Variants in MYH10 observed in about 807,000 individuals in gnomAD.
The protein encoded by MYH10 is myosin-10.
Under a neutral mutation model 257.8 loss-of-function variants are expected in MYH10, and 55 were observed. The observed-to-expected ratio is 0.21, with a 90% CI of 0.17 to 0.27. The LOEUF (loss-of-function observed/expected upper bound fraction) is 0.27, where lower values mean the gene tolerates loss of function less well. Ranked by LOEUF, MYH10 falls within the 10% of genes least tolerant of loss-of-function variation. The probability of loss-of-function intolerance (pLI) is 1.00; values close to 1 mark genes in which losing one functional copy is unlikely to be tolerated. For synonymous variants in MYH10, 854 were observed against 921.7 expected, an observed-to-expected ratio of 0.93 and a Z score of 1.33; for missense variants, 1,631 against 2,500.6, an observed-to-expected ratio of 0.65 and a Z score of 7.42.
intron 17 of MYH10, among the ~76,000 whole-genome samples, chr17:8,528,556 A>C (rs62063426): frequency 1.3e-5 from 2 of 152,118 alleles, no homozygotes; most frequent in Non-Finnish European, 2.9e-5. Context: ...CAGTCCCAGA[A>C]GCCTGCATGC....
At chr17:8,597,781 A>AT (rs5819202) in intron 3 of MYH10, among the ~76,000 whole-genome samples, 140,264 of 147,862 alleles carry the variant, frequency 0.95, 66,909 homozygotes, top group East Asian at 1. Context: ...GGCCCGGCTA[A>AT]TTTTTTTTTT....
intron 21 of MYH10, among the ~76,000 whole-genome samples, chr17:8,516,609 C>A (rs1378705493): frequency 6.6e-6 from 1 of 152,170 alleles, no homozygotes; most frequent in Non-Finnish European, 1.5e-5. Context: ...AGGTTTAGAT[C>A]AATGAAAAAG....
At chr17:8,516,212 T>C (rs2081463746) in intron 21 of MYH10, among the ~76,000 whole-genome samples, 1 of 152,184 alleles carries the variant, frequency 6.6e-6, no homozygotes, top group African/African-American at 2.4e-5. Flanking sequence ...GAAAGTGGAC[T>C]TCAAAAGTGT....
chr17:8,580,546 A>G (rs1023141197), intron 4 of MYH10, among the ~76,000 whole-genome samples: 1 of 152,186 alleles, frequency 6.6e-6, no homozygotes, highest in Non-Finnish European at 1.5e-5. Flanking sequence ...TAAGTGCTTG[A>G]TATAGACTGC....
At position 8,504,212 on chromosome 17, in the gene MYH10, C is replaced by T. The variant is rs1037201272; in HGVS notation, c.3599+482G>A. On this transcript the variant is annotated intron_variant, in intron 28 of 42. Coordinates refer to ENST00000360416, the MANE Select transcript of MYH10 (RefSeq NM_001256012.3). The surrounding 1 kb of genome is among the most constrained non-coding windows in gnomAD (Gnocchi z 5.6). ...GCCCACTGCACACTCTGTCCCAGTG[C>T]GTGCACCAGCCTTCTTCTCACCCTT... is the stretch of plus-strand genomic sequence containing the variant. Among the ~76,000 whole-genome samples, 3 of 152,198 alleles carry T rather than the reference C, an allele frequency of 2.0e-5. No homozygotes were observed. The highest frequency in any genetic ancestry group is 6.5e-5 in the Admixed American group (1 of 15,290).
chr17:8,542,617 T>C (rs2151945947), intron 13 of MYH10, among the ~76,000 whole-genome samples: 1 of 152,232 alleles, frequency 6.6e-6, no homozygotes, highest in South Asian at 2.1e-4. Flanking sequence ...TTAAGGACTA[T>C]AAATAAATAA....
intron 9 of MYH10, among the ~76,000 whole-genome samples, chr17:8,549,406 G>A (rs568691290): frequency 1.3e-5 from 2 of 152,214 alleles, no homozygotes; most frequent in Admixed American, 6.5e-5. Context: ...CTACTGTACC[G>A]TAGGAGACAT....
intron 42 of MYH10, 114 bp downstream of exon 42, chr17:8,476,762 A>C: frequency 1.7e-6 from 2 of 1,164,568 alleles, no homozygotes; most frequent in Non-Finnish European, 2.4e-6. Context: ...TTCGGGAGAA[A>C]GAATGGGTCA....
chr17:8,496,300 A>G (rs1916617484), intron 30 of MYH10, among the ~76,000 whole-genome samples: 1 of 152,216 alleles, frequency 6.6e-6, no homozygotes, highest in African/African-American at 2.4e-5. Context: ...ACAGCAGAGC[A>G]CATGCTGTAA....
intron 35 of MYH10, 144 bp from the exon 36 acceptor site, chr17:8,487,738 T>A: frequency 1.1e-6 from 1 of 948,768 alleles, no homozygotes; most frequent in Non-Finnish European, 1.6e-6. Flanking sequence ...ACCAAACAGT[T>A]ACTATCAACA....
At chr17:8,596,432 G>A (rs998534204) in intron 3 of MYH10, among the ~76,000 whole-genome samples, 3 of 152,186 alleles carry the variant, frequency 2.0e-5, no homozygotes, top group South Asian at 2.1e-4. Context: ...GATTATGGGC[G>A]TAAGCCACTG....
intron 1 of MYH10, among the ~76,000 whole-genome samples, chr17:8,627,067 C>G (rs1333547538): frequency 6.6e-6 from 1 of 151,920 alleles, no homozygotes; most frequent in East Asian, 1.9e-4. Context: ...TTTAAAAAAC[C>G]CAGTAGAACA....
At position 8,512,614 on chromosome 17, in the gene MYH10, T is replaced by G. The variant is rs774477942; in HGVS notation, c.2789A>C (p.Glu930Ala). ...KNILAEQLQAETELFAEAEEM... is the reference protein window; with the variant it reads ...KNILAEQLQAATELFAEAEEM... ...TTCTGCTTCAGCAAAGAGCTCAGTC[T>G]CTGCTTGTAGTTGTTCTGCAAGGAT... The change falls in exon 24 of 43, where the codon GAG becomes GCG. Residue 930 changes from glutamate (E) to alanine (A), a missense_variant. Coordinates refer to ENST00000360416, the MANE Select transcript of MYH10 (RefSeq NM_001256012.3). The G allele has an allele frequency of 9.9e-6, 16 of 1,613,432 alleles. No individual in the cohort carries two copies. Among genetic ancestry groups the G allele is most frequent in the Non-Finnish European group, 1.4e-5 (16 of 1,179,970 alleles).
chr17:8,500,545 C>T (rs1380602370), intron 29 of MYH10, among the ~76,000 whole-genome samples: 1 of 152,136 alleles, frequency 6.6e-6, no homozygotes, highest in East Asian at 1.9e-4. Context: ...AGTGAAGCCA[C>T]TGGGAGAAGG....
chr17:8,487,410 A>ACTC, intron 36 of MYH10, 23 bp downstream of exon 36: 1 of 1,613,072 alleles, frequency 6.2e-7, no homozygotes, highest in East Asian at 2.2e-5. Context: ...CCATCCAGAG[A>ACTC]CTCCATGGGT....
At chr17:8,518,536 T>C (rs1192467963) in intron 21 of MYH10, 95 bp downstream of exon 21, 1 of 1,318,456 alleles carries the variant, frequency 7.6e-7, no homozygotes, top group Non-Finnish European at 1.1e-6. Flanking sequence ...GGACAGACTA[T>C]GTCTCACACA....
rs1260736372 is a variant in MYH10 at position 8,542,169 on chromosome 17, C to T, written c.1543G>A (p.Glu515Lys). Residue 515 changes from glutamate to lysine, a missense_variant, in exon 14 of 43, where the codon GAG (glutamate) becomes AAG (lysine). Physicochemically the swap from Glu to Lys is moderately conservative, Grantham distance 56. Coordinates refer to ENST00000360416, the MANE Select transcript of MYH10 (RefSeq NM_001256012.3). ...AGCCCGAAATCGATGAAGTTCCACTCGATGCCTTCGCGCTGGTATTCCTCT... is the reference window on the plus strand; with the variant it reads ...AGCCCGAAATCGATGAAGTTCCACTTGATGCCTTCGCGCTGGTATTCCTCT... ...EQEEYQREGI[E>K]WNFIDFGLDL... The T allele has an allele frequency of 5.0e-6, 8 of 1,613,980 alleles. No homozygotes were observed. Among genetic ancestry groups the T allele is most frequent in the East Asian group, 2.2e-5 (1 of 44,894 alleles).
chr17:8,487,724 T>C, intron 35 of MYH10, 130 bp from the exon 36 acceptor site: 1 of 1,054,116 alleles, frequency 9.5e-7, no homozygotes, highest in Non-Finnish European at 1.4e-6. Context: ...TAGAGGTCTC[T>C]GTTACCAAAC....
intron 6 of MYH10, among the ~76,000 whole-genome samples, chr17:8,575,546 C>A (rs1055764218): frequency 1.3e-5 from 2 of 152,110 alleles, no homozygotes; most frequent in African/African-American, 4.8e-5. Context: ...CATAGGCCTT[C>A]ATAGGTACAG....
Sources: gnomAD v4.1 joint callset for allele counts (sites outside exome capture counted in the v4.1 genomes callset) on GRCh38, gnomAD v4.1.1 for gene constraint, Gnocchi (gnomAD v3.1) non-coding constraint, MANE v1.5 for transcripts, NCBI Gene and HGNC (gene_info 2026-07-23, HGNC 2026-07-21) for gene names.